The following MAPRE1 variants were observed in gnomAD, a reference collection of about 807,000 sequenced individuals.
MAPRE1 encodes the protein microtubule associated protein RP/EB family member 1, also known as microtubule-associated protein RP/EB family member 1.
In MAPRE1, 5 loss-of-function variants were observed where a neutral mutation model predicts 32.1. That is an observed-to-expected ratio of 0.16 (90% CI 0.08 to 0.33). MAPRE1 has a LOEUF of 0.33. MAPRE1 is among the 10% of genes least tolerant of loss of function. The probability of loss-of-function intolerance (pLI) is 1.00; values close to 1 mark genes in which losing one functional copy is unlikely to be tolerated. For synonymous variants in MAPRE1, 122 were observed against 118.9 expected (o/e 1.03, Z -0.17); for missense variants, 209 against 327.2 (o/e 0.64, Z 2.79).
intron 6 of MAPRE1, among the ~76,000 whole-genome samples, chr20:32,847,745 A>G (rs1983542544): frequency 6.6e-6 from 1 of 152,238 alleles, no homozygotes; most frequent in Non-Finnish European, 1.5e-5. Context: ...GGTGGTTGAA[A>G]GAGAAGTCTG....
At position 32,840,855 on chromosome 20, in the gene MAPRE1, G is replaced by T. The variant is rs374145391; in HGVS notation, c.597+999G>T. ...TTTTGAGACGGAGTCTTGCTGTGTC[G>T]CCCAGGCTGGAGTGCAGTGGCGTGA... On this transcript the variant is annotated intron_variant, in intron 5 of 6. Transcript: ENST00000375571. 7.4e-4 allele frequency among the ~76,000 whole-genome samples: 112 copies of T among 151,992 alleles called. 1 individual carries two copies. In the Middle Eastern group the frequency reaches 0.02, roughly 28 times the overall value.
At chr20:32,848,583 GTTTT>G (rs1285971024) in intron 6 of MAPRE1, 85 bp from the exon 7 acceptor site, 1 of 977,182 alleles carries the variant, frequency 1.0e-6, no homozygotes, top group Non-Finnish European at 1.6e-6. Flanking sequence ...AAGAACCATT[GTTTT>G]TAAGAGGCTG....
chr20:32,820,344 C>T (rs1000044894), intron 1 of MAPRE1, among the ~76,000 whole-genome samples: 1 of 151,942 alleles, frequency 6.6e-6, no homozygotes, highest in African/African-American at 2.4e-5. Context: ...GTGGTTGGGC[C>T]CTGGGAGGGT....
rs1018468020 is a variant in MAPRE1 at position 32,850,043 on chromosome 20, A to G, written c.*1315A>G. The G allele has an allele frequency of 1.3e-5, 2 of 152,560 alleles. No individual in the cohort carries two copies. The highest frequency in any genetic ancestry group is 4.8e-5 in the African/African-American group (2 of 41,418). 9.5% of individuals were successfully genotyped at this position (152,560 alleles called of 1,614,324 possible). On this transcript the variant is annotated 3_prime_UTR_variant, in exon 7 of 7. Transcript: ENST00000375571. ...CCTTTGTTTGGCAGGATTCTGCAAA[A>G]TGTGTCTCACCCACTACTGAGATTG...
At chr20:32,835,958 A>G (rs1211574120) in intron 3 of MAPRE1, among the ~76,000 whole-genome samples, 4 of 149,632 alleles carry the variant, frequency 2.7e-5, no homozygotes, top group Non-Finnish European at 5.9e-5. Context: ...GGTTTGTGCA[A>G]TGGATTTTTC....
chr20:32,840,852 G>A (rs1983337452), intron 5 of MAPRE1, among the ~76,000 whole-genome samples: 1 of 152,076 alleles, frequency 6.6e-6, no homozygotes, highest in Non-Finnish European at 1.5e-5. Flanking sequence ...GTCTTGCTGT[G>A]TCGCCCAGGC....
intron 2 of MAPRE1, among the ~76,000 whole-genome samples, chr20:32,831,754 C>T (rs1312446699): frequency 2.0e-5 from 3 of 151,888 alleles, no homozygotes; most frequent in Non-Finnish European, 4.4e-5. Context: ...AGGCTGGTCT[C>T]GATCTCCTGA....
At chr20:32,826,178 C>G (rs887492301) in intron 2 of MAPRE1, 130 bp downstream of exon 2, 1 of 731,918 alleles carries the variant, frequency 1.4e-6, no homozygotes, top group African/African-American at 1.8e-5. Context: ...CTGTTTCTTC[C>G]TCTCAGCCCT....
chr20:32,825,002 A>G (rs1191664152), intron 1 of MAPRE1, among the ~76,000 whole-genome samples: 1 of 151,868 alleles, frequency 6.6e-6, no homozygotes, highest in Non-Finnish European at 1.5e-5. Context: ...AAATACAAAA[A>G]TTAGCCAGGC....
chr20:32,841,510 C>T (rs899891152), intron 5 of MAPRE1, among the ~76,000 whole-genome samples: 1 of 150,926 alleles, frequency 6.6e-6, no homozygotes, highest in Non-Finnish European at 1.5e-5. Flanking sequence ...TACATGTGTA[C>T]AACGTGCAGG....
At chr20:32,839,285 C>T (rs1009228469) in intron 4 of MAPRE1, among the ~76,000 whole-genome samples, 2 of 152,150 alleles carry the variant, frequency 1.3e-5, no homozygotes, top group Non-Finnish European at 2.9e-5. Context: ...TCATGTCTAG[C>T]GTGAAGTTTG....
At chr20:32,823,691 T>C (rs1003332905) in intron 1 of MAPRE1, among the ~76,000 whole-genome samples, 4 of 152,170 alleles carry the variant, frequency 2.6e-5, no homozygotes, top group Non-Finnish European at 5.9e-5. Flanking sequence ...GAGGATTGTT[T>C]GAGGCTGGGC....
Position 32,831,960 on chromosome 20 carries a change from A to AC in MAPRE1, c.122-1757_122-1756insC, listed in dbSNP as rs1187144449. Among the ~76,000 whole-genome samples the AC allele has an allele frequency of 2.0e-5, 3 of 152,070 alleles. No individual in the cohort carries two copies. The East Asian group carries it at 5.8e-4, about 29-fold the overall frequency. On this transcript the variant is annotated intron_variant, in intron 2 of 6. Transcript: ENST00000375571. ...GTTCGTCCGTTTCAAAAAAAAAAAA[A>AC]AAAACAAAAGAATGCCCTCAGTGTA...
intron 2 of MAPRE1, among the ~76,000 whole-genome samples, chr20:32,830,739 CTT>C (rs5841119): frequency 4.2e-5 from 6 of 141,830 alleles, no homozygotes; most frequent in Admixed American, 1.4e-4. Context: ...TCTCTTCAAA[CTT>C]TTTTTTTTTT....
chr20:32,840,147 G>A (rs1983320689), intron 5 of MAPRE1, among the ~76,000 whole-genome samples: 1 of 152,186 alleles, frequency 6.6e-6, no homozygotes, highest in South Asian at 2.1e-4. Context: ...CTGGGATTTG[G>A]AGAATGAAAG....
In MAPRE1 at chr20:32,833,735, T is replaced by G; in HGVS notation, c.140T>G (p.Phe47Cys). The G allele has an allele frequency of 6.2e-7, 1 of 1,613,440 alleles. No individual in the cohort carries two copies. Among genetic ancestry groups the G allele is most frequent in the Non-Finnish European group, 8.5e-7 (1 of 1,179,802 alleles). The part of the protein sequence containing the change: ...QLCSGAAYCQ[F>C]MDMLFPGSIA... ...CTTTCAGGGGCTGCGTATTGTCAGT[T>G]TATGGACATGCTGTTCCCTGGCTCC... The change falls in exon 3 of 7, where the codon TTT becomes TGT. Residue 47 changes from phenylalanine (F) to cysteine (C), a missense_variant. By Grantham distance (205) the Phe-to-Cys change is radical. Around this residue, in one of 3 missense-constraint regions of MAPRE1, gnomAD observed 67 missense variants for 140.0 expected, o/e 0.48. Transcript: ENST00000375571.
chr20:32,839,971 C>T (rs1983315536), intron 5 of MAPRE1, 115 bp downstream of exon 5: 1 of 1,436,430 alleles, frequency 7.0e-7, no homozygotes, highest in Non-Finnish European at 9.5e-7. Flanking sequence ...CTTGCCAGAG[C>T]ATGTGACACG....
intron 5 of MAPRE1, among the ~76,000 whole-genome samples, chr20:32,841,235 C>T (rs1007950540): frequency 4.6e-5 from 7 of 152,204 alleles, no homozygotes; most frequent in African/African-American, 7.2e-5. Flanking sequence ...CTTGAGCACC[C>T]GCTGGGGCTG....
Position 32,836,802 on chromosome 20 carries a change from C to G in MAPRE1, c.436C>G (p.Leu146Val), listed in dbSNP as rs1372310592. Residue 146 changes from leucine to valine, a missense_variant, in exon 4 of 7, where the codon CTG (leucine) becomes GTG (valine). This residue lies in a region of MAPRE1 where 106 missense variants were observed against 115.3 expected (regional missense o/e 0.92). Transcript: ENST00000375571. Reference protein sequence around the residue: ...AVAPSLVAPALNKPKKPLTSS... With the variant: ...AVAPSLVAPAVNKPKKPLTSS... ...GGCTCCTTCCCTTGTTGCTCCAGCT[C>G]TGAATAAACCGAAGAAACCTCTCAC... 1 of 1,613,004 alleles carries G rather than the reference C, an allele frequency of 6.2e-7. No individual in the cohort carries two copies. The highest frequency in any genetic ancestry group is 8.5e-7 in the Non-Finnish European group (1 of 1,179,780).
Sources: gnomAD v4.1 joint callset for allele counts (sites outside exome capture counted in the v4.1 genomes callset) on GRCh38, gnomAD v4.1.1 for gene constraint, gnomAD v4.1.1 regional missense constraint, MANE v1.5 for transcripts, NCBI Gene and HGNC (gene_info 2026-07-23, HGNC 2026-07-21) for gene names.